CLPB: variants seen among roughly 807,000 people sequenced by gnomAD.
The protein encoded by CLPB is mitochondrial disaggregase.
Under a neutral mutation model 78.4 loss-of-function variants are expected in CLPB, and 40 were observed. That is an observed-to-expected ratio of 0.51 (90% CI 0.40 to 0.66). The LOEUF (loss-of-function observed/expected upper bound fraction) is 0.66, where lower values mean the gene tolerates loss of function less well. Ranked by LOEUF, CLPB falls within the 30% of genes least tolerant of loss-of-function variation. CLPB has a pLI of 0.00. For missense variants in CLPB, 780 were observed against 886.9 expected, an observed-to-expected ratio of 0.88 and a Z score of 1.53; for synonymous variants, 333 against 348.0, an observed-to-expected ratio of 0.96 and a Z score of 0.48.
rs990105908 is a variant in CLPB at position 72,408,779 on chromosome 11, C to G, written c.456-5727G>C. 1.2e-4 allele frequency among the ~76,000 whole-genome samples: 19 copies of G among 152,220 alleles called. 1 individual carries two copies. Among genetic ancestry groups the G allele is most frequent in the Non-Finnish European group, 1.5e-5 (1 of 68,006 alleles). On this transcript the variant is annotated intron_variant, in intron 2 of 15. Transcript: ENST00000538039. ...CTGCCTCCCCTCAGTGCAGAGCAGC[C>G]CAGAAAGTTGGAATTTTACAAACCA...
In CLPB at chr11:72,293,526, G is replaced by A. The variant is rs767465444; in HGVS notation, c.1875C>T (p.Asp625=). 1.2e-6 allele frequency: 2 copies of A among 1,614,186 alleles called. No homozygotes were observed. Among genetic ancestry groups the A allele is most frequent in the South Asian group, 2.2e-5 (2 of 91,084 alleles). Residue 625 remains aspartate (D), a synonymous_variant, in exon 16 of 16, where the codon GAC becomes GAT. Coordinates refer to ENST00000538039, the MANE Select transcript of CLPB (RefSeq NM_001258392.3). ...GGCTLRITVE[D]SDKQLLKSPE... ...GGCTTTTGAGTAGCTGCTTGTCTGA[G>A]TCCTCCACCGTGATGCGCAAAGTAC... is the stretch of plus-strand genomic sequence containing the variant.
chr11:72,396,888 C>T (rs573511343), intron 3 of CLPB, among the ~76,000 whole-genome samples: 1 of 152,172 alleles, frequency 6.6e-6, no homozygotes, highest in African/African-American at 2.4e-5. Context: ...AGAGGGATGA[C>T]AGCTTTTTAA....
At chr11:72,320,752 C>T (rs1030338016) in intron 6 of CLPB, among the ~76,000 whole-genome samples, 8 of 152,242 alleles carry the variant, frequency 5.3e-5, no homozygotes, top group African/African-American at 1.9e-4. Context: ...CTCACTCTGT[C>T]GCTGAGGCTG....
rs61499104 is a variant in CLPB, at chr11:72,286,800, C to CGTGTGTGTGTGTGT, written c.*6553_*6566dup. The CGTGTGTGTGTGTGT allele has an allele frequency of 6.7e-6, 1 of 148,218 alleles. No homozygotes were observed. Among genetic ancestry groups the CGTGTGTGTGTGTGT allele is most frequent in the Non-Finnish European group, 1.5e-5 (1 of 66,952 alleles). 9.2% of individuals were successfully genotyped at this position (148,218 alleles called of 1,614,324 possible). On this transcript the variant is annotated 3_prime_UTR_variant, in exon 16 of 16. Coordinates refer to ENST00000538039, the MANE Select transcript of CLPB (RefSeq NM_001258392.3). ...CACCTTACTTTTTGCTTTATCATTC[C>CGTGTGTGTGTGTGT]GTGTGTGTGTGTGTGTGTGTGTGTG...
intron 3 of CLPB, among the ~76,000 whole-genome samples, chr11:72,396,446 T>C (rs2135061985): frequency 6.6e-6 from 1 of 152,240 alleles, no homozygotes; most frequent in Non-Finnish European, 1.5e-5. Flanking sequence ...AGCCTCCCTT[T>C]TCAGGATCTT....
At chr11:72,340,862 A>C (rs1006797535) in intron 5 of CLPB, among the ~76,000 whole-genome samples, 4 of 152,166 alleles carry the variant, frequency 2.6e-5, no homozygotes, top group African/African-American at 9.7e-5. Context: ...TATTATTATT[A>C]TTTTTTGAGC....
At chr11:72,347,106 G>A (rs1281444214) in intron 5 of CLPB, among the ~76,000 whole-genome samples, 1 of 152,066 alleles carries the variant, frequency 6.6e-6, no homozygotes, top group Non-Finnish European at 1.5e-5. Context: ...GGTCAATGTG[G>A]AGTACGTGCT....
At position 72,301,887 on chromosome 11, in the gene CLPB, C is replaced by A; in HGVS notation, c.1245G>T (p.Gln415His). The A allele has an allele frequency of 6.2e-7, 1 of 1,614,196 alleles. No homozygotes were observed. Among genetic ancestry groups the A allele is most frequent in the Non-Finnish European group, 8.5e-7 (1 of 1,180,026 alleles). The change falls in exon 11 of 16, where the codon CAG (glutamine) becomes CAT (histidine). Residue 415 changes from glutamine (Q) to histidine (H), a missense_variant. Physicochemically the swap from Gln to His is conservative, Grantham distance 24. Around this residue, in one of 3 missense-constraint regions of CLPB, gnomAD observed 91 missense variants for 168.2 expected, o/e 0.54. Transcript: ENST00000538039. The stretch of plus-strand genomic sequence containing the variant: ...CAAAGAGCACCACAGCATTGGGGCA[C>A]TGCTTCAACTTCTTGGTCAGCTGGC... ...EGGQLTKKLK[Q>H]CPNAVVLFDE...
In CLPB at chr11:72,397,288, C is replaced by T. The variant is rs148380764; in HGVS notation, c.542+5678G>A. 3.3e-3 allele frequency among the ~76,000 whole-genome samples: 495 copies of T among 152,280 alleles called. 9 individuals carry two copies. Among genetic ancestry groups the T allele is most frequent in the Non-Finnish European group, 1.7e-3 (119 of 68,018 alleles). On this transcript the variant is annotated intron_variant, in intron 3 of 15. Transcript: ENST00000538039. The stretch of plus-strand genomic sequence containing the variant: ...TCCATTCACCAGTTGATGGACATTG[C>T]ATTATATCCAGTTTTTGGTGGTCAT...
rs559293763 is a variant in CLPB at position 72,404,481 on chromosome 11, T to C, written c.456-1429A>G. 2.6e-5 allele frequency among the ~76,000 whole-genome samples: 4 copies of C among 152,352 alleles called. No individual in the cohort carries two copies. In the South Asian group the frequency reaches 6.2e-4, roughly 24 times the overall value. On this transcript the variant is annotated intron_variant, in intron 2 of 15. Transcript: ENST00000538039. Reference sequence around the variant, plus strand: ...CTTGAGAGGATGATGAGAAACATCATGTACTAAGGCTTCTCTCAAATACTT... The same window carrying C: ...CTTGAGAGGATGATGAGAAACATCACGTACTAAGGCTTCTCTCAAATACTT...
intron 5 of CLPB, among the ~76,000 whole-genome samples, chr11:72,350,856 C>A (rs1950601630): frequency 6.6e-6 from 1 of 152,062 alleles, no homozygotes; most frequent in South Asian, 2.1e-4. Flanking sequence ...ATTTACATAC[C>A]ATAAAGTTCA....
In CLPB at chr11:72,329,697, T is replaced by C. The variant is rs771821023; in HGVS notation, c.873+10A>G. 6.2e-7 allele frequency: 1 copy of C among 1,605,364 alleles called. No individual in the cohort carries two copies. Among genetic ancestry groups the C allele is most frequent in the East Asian group, 2.2e-5 (1 of 44,810 alleles). ...GTACCCACAGGCCTCCTCCCTTCCC[T>C]GAGACTTACCTTGGCTTCAGAAGTC... On this transcript the variant is annotated intron_variant, in intron 6 of 15. Coordinates refer to ENST00000538039, the MANE Select transcript of CLPB (RefSeq NM_001258392.3).
intron 3 of CLPB, among the ~76,000 whole-genome samples, chr11:72,383,958 T>C (rs1464938995): frequency 1.3e-5 from 2 of 152,172 alleles, no homozygotes; most frequent in Non-Finnish European, 2.9e-5. Flanking sequence ...AGAAACATGC[T>C]GAAACCCCAT....
Position 72,400,702 on chromosome 11 carries a change from CAT to C in CLPB, c.542+2262_542+2263del, listed in dbSNP as rs575068835. Among the ~76,000 whole-genome samples, 402 of 152,296 alleles carry C rather than the reference CAT, an allele frequency of 2.6e-3. 2 individuals carry two copies. Among genetic ancestry groups the C allele is most frequent in the African/African-American group, 9.1e-3 (379 of 41,564 alleles). On this transcript the variant is annotated intron_variant, in intron 3 of 15. Transcript: ENST00000538039. Reference sequence around the variant, plus strand: ...GAAGTACCAGCGGTGTAGAATAACACATGTGTTTGTGTACAGAGATCTAATGG... The same window carrying C: ...GAAGTACCAGCGGTGTAGAATAACACGTGTTTGTGTACAGAGATCTAATGG...
intron 5 of CLPB, among the ~76,000 whole-genome samples, chr11:72,343,337 G>A (rs536776888): frequency 4.6e-5 from 7 of 152,236 alleles, no homozygotes; most frequent in African/African-American, 7.2e-5. Context: ...GGAGAGAATC[G>A]GAAATGTGGG....
At position 72,285,804 on chromosome 11, in the gene CLPB, T is replaced by C. The variant is rs1253296920; in HGVS notation, c.*7563A>G. The C allele has an allele frequency of 6.6e-6, 1 of 152,206 alleles. No individual in the cohort carries two copies. The highest frequency in any genetic ancestry group is 2.4e-5 in the African/African-American group (1 of 41,444). The allele number at this position is 152,206 out of a possible 1,614,324, so 9.4% of individuals were successfully genotyped here. ...TTATGTGTAGAAGAGCAAATATATA[T>C]ATACCTATTTGTTGCAATTGTAAAT... is the stretch of plus-strand genomic sequence containing the variant. On this transcript the variant is annotated 3_prime_UTR_variant, in exon 16 of 16. Coordinates refer to ENST00000538039, the MANE Select transcript of CLPB (RefSeq NM_001258392.3).
intron 11 of CLPB, 95 bp downstream of exon 11, chr11:72,301,708 T>C: frequency 7.4e-7 from 1 of 1,357,100 alleles, no homozygotes; most frequent in Non-Finnish European, 1.0e-6. Context: ...AGCCGAGGAA[T>C]GACCAGCTAG....
At position 72,294,699 on chromosome 11, in the gene CLPB, G is replaced by A. The variant is rs774105569; in HGVS notation, c.1487-6C>T. 1.2e-6 allele frequency: 2 copies of A among 1,612,740 alleles called. No individual in the cohort carries two copies. The highest frequency in any genetic ancestry group is 1.1e-5 in the South Asian group (1 of 91,044). On this transcript the variant is annotated splice_region_variant and splice_polypyrimidine_tract_variant and intron_variant, in intron 12 of 15. Transcript: ENST00000538039. ...GTCACTTATCTGGACATCCCCTGTG[G>A]AGAAGAATCATAAACTGCTTATTCC...
chr11:72,359,895 A>C (rs1950801659), intron 4 of CLPB, among the ~76,000 whole-genome samples: 1 of 152,136 alleles, frequency 6.6e-6, no homozygotes, highest in Admixed American at 6.5e-5. Flanking sequence ...CTCTGATTTG[A>C]TATAAAATAA....
Sources: gnomAD v4.1 joint callset for allele counts (sites outside exome capture counted in the v4.1 genomes callset) on GRCh38, gnomAD v4.1.1 for gene constraint, gnomAD v4.1.1 regional missense constraint, MANE v1.5 for transcripts, NCBI Gene and HGNC (gene_info 2026-07-23, HGNC 2026-07-21) for gene names.